Variants in CCT3 observed in about 807,000 individuals in gnomAD.
CCT3 encodes chaperonin containing TCP1 subunit 3, also known as T-complex protein 1 subunit gamma.
CCT3 carries 10 observed loss-of-function variants against 65.3 expected under a neutral mutation model. The observed-to-expected ratio is 0.15, with a 90% CI of 0.09 to 0.26. CCT3 has a LOEUF of 0.26. CCT3 is among the 10% of genes least tolerant of loss of function. The probability of loss-of-function intolerance (pLI) is 1.00; values close to 1 mark genes in which losing one functional copy is unlikely to be tolerated. For missense variants in CCT3, 626 were observed against 708.7 expected (o/e 0.88, Z 1.33); for synonymous variants, 225 against 242.3 (o/e 0.93, Z 0.66).
At chr1:156,315,014 T>C (rs140671752) in intron 10 of CCT3, among the ~76,000 whole-genome samples, 3 of 152,164 alleles carry the variant, frequency 2.0e-5, no homozygotes, top group Non-Finnish European at 2.9e-5. Context: ...CAAATCACGA[T>C]GTATTTCCAT....
rs867370775 is a variant in CCT3, at chr1:156,310,672, C to A, written c.1419G>T (p.Glu473Asp). The change falls in exon 13 of 14, where the codon GAG becomes GAT. Residue 473 changes from glutamate (E) to aspartate (D), a missense_variant. Glu to Asp is a conservative substitution (Grantham distance 45). Coordinates refer to ENST00000295688, the MANE Select transcript of CCT3 (RefSeq NM_005998.5). ...LTSLRAKHTQ[E>D]NCETWGVNGE... ...CATTTACACCCCAGGTCTCACAGTT[C>A]TCCTGGGTGTGCTTGGCCTGCAATT... 6.2e-7 allele frequency: 1 copy of A among 1,613,706 alleles called. No individual in the cohort carries two copies. Among genetic ancestry groups the A allele is most frequent in the Non-Finnish European group, 8.5e-7 (1 of 1,179,790 alleles).
Position 156,337,628 on chromosome 1 carries a change from A to T in CCT3, c.31+526T>A, listed in dbSNP as rs1665475971. The T allele has an allele frequency of 3.0e-5, 5 of 166,798 alleles. No individual in the cohort carries two copies. The South Asian group carries it at 6.4e-4, about 21-fold the overall frequency. The allele number at this position is 166,798 out of a possible 1,614,324, so 10.3% of individuals were successfully genotyped here. ...AAATAAATGTAACGTAAAGTGACCA[A>T]GGATATTACCTATTTACCAGACCCT... On this transcript the variant is annotated intron_variant, in intron 1 of 13. Coordinates refer to ENST00000295688, the MANE Select transcript of CCT3 (RefSeq NM_005998.5).
At chr1:156,328,210 GTC>G (rs1664939648) in intron 5 of CCT3, among the ~76,000 whole-genome samples, 1 of 109,106 alleles carries the variant, frequency 9.2e-6, no homozygotes, top group Non-Finnish European at 2.1e-5. Context: ...GGGGGGGTCA[GTC>G]CCCCCGTCCG....
chr1:156,314,452 C>T (rs999253241), intron 10 of CCT3, among the ~76,000 whole-genome samples: 9 of 152,082 alleles, frequency 5.9e-5, no homozygotes, highest in African/African-American at 1.4e-4. Context: ...CAGTGGCTCA[C>T]GCCTGTAATC....
intron 5 of CCT3, chr1:156,332,630 TAA>T (rs1045967623): frequency 1.3e-5 from 2 of 152,010 alleles, no homozygotes; most frequent in Non-Finnish European, 1.5e-5. Context: ...TCTCACACTG[TAA>T]AAAAAAGTGT....
intron 5 of CCT3, among the ~76,000 whole-genome samples, chr1:156,327,513 C>G (rs975515993): frequency 6.6e-6 from 1 of 152,228 alleles, no homozygotes; most frequent in East Asian, 1.9e-4. Flanking sequence ...GGCTGGTCTC[C>G]AGCTCCTAAC....
intron 7 of CCT3, among the ~76,000 whole-genome samples, chr1:156,319,941 A>G (rs1387968721): frequency 1.3e-5 from 2 of 152,314 alleles, no homozygotes; most frequent in Non-Finnish European, 2.9e-5. Context: ...TGATGTATGC[A>G]AATACACAAA....
At chr1:156,321,071 T>C in intron 6 of CCT3, 46 bp from the exon 7 acceptor site, 4 of 1,491,534 alleles carry the variant, frequency 2.7e-6, no homozygotes, top group Non-Finnish European at 3.7e-6. Context: ...GCATGTTAGA[T>C]ATGTAGAGAT....
At chr1:156,325,153 A>T in intron 5 of CCT3, 64 bp from the exon 6 acceptor site, 1 of 1,173,470 alleles carries the variant, frequency 8.5e-7, no homozygotes, top group South Asian at 1.2e-5. Flanking sequence ...AAGTAACTTA[A>T]TTATTCTTCC....
rs375936929 is a variant in CCT3 at position 156,330,832 on chromosome 1, T to A, written c.304+2715A>T. On this transcript the variant is annotated intron_variant, in intron 5 of 13. Transcript: ENST00000295688. ...GAAAGGCTGAGACAGGAGAATCACT[T>A]GAACCCCAGGGGTGGAGGCTGCAGT... Among the ~76,000 whole-genome samples, 9 of 151,500 alleles carry A rather than the reference T, an allele frequency of 5.9e-5. No homozygotes were observed. In the South Asian group the frequency reaches 1.9e-3, roughly 32 times the overall value.
chr1:156,337,943 C>T (rs1446112936), intron 1 of CCT3, among the ~76,000 whole-genome samples: 1 of 152,122 alleles, frequency 6.6e-6, no homozygotes, highest in Non-Finnish European at 1.5e-5. Flanking sequence ...AGGAAAGAGG[C>T]TCGGCGAGAA....
Position 156,328,761 on chromosome 1 carries a change from T to C in CCT3, c.305-3672A>G, listed in dbSNP as rs1664972099. ...CTCTGCCCAGGAAAACCAGAGACCT[T>C]TGTTCATTTGTTTATCTGCTGACCT... is the stretch of plus-strand genomic sequence containing the variant. On this transcript the variant is annotated intron_variant, in intron 5 of 13. Coordinates refer to ENST00000295688, the MANE Select transcript of CCT3 (RefSeq NM_005998.5). 3.3e-5 allele frequency among the ~76,000 whole-genome samples: 5 copies of C among 152,036 alleles called. No homozygotes were observed. In the South Asian group the frequency reaches 1.0e-3, roughly 32 times the overall value.
At chr1:156,325,663 C>T (rs1409045730) in intron 5 of CCT3, among the ~76,000 whole-genome samples, 1 of 151,456 alleles carries the variant, frequency 6.6e-6, no homozygotes, top group African/African-American at 2.4e-5. Flanking sequence ...CTGCAACCTC[C>T]GCCTCCCAGA....
At chr1:156,337,983 C>G (rs1392958424) in intron 1 of CCT3, among the ~76,000 whole-genome samples, 171 bp downstream of exon 1, 1 of 151,968 alleles carries the variant, frequency 6.6e-6, no homozygotes, top group Admixed American at 6.6e-5. Context: ...TGCAGAGAAG[C>G]GAACAGGTTA....
chr1:156,311,222 A>T (rs1664072551), intron 11 of CCT3, 27 bp from the exon 12 acceptor site: 6 of 1,605,072 alleles, frequency 3.7e-6, no homozygotes, highest in Non-Finnish European at 5.1e-6. Context: ...GACAGTATGA[A>T]GCCAAAGCTT....
intron 7 of CCT3, 152 bp downstream of exon 7, chr1:156,320,687 T>C (rs1664512435): frequency 4.9e-6 from 3 of 612,120 alleles, no homozygotes; most frequent in Non-Finnish European, 5.7e-6. Context: ...GGGCTGTGAC[T>C]GTGCCACTAT....
intron 8 of CCT3, among the ~76,000 whole-genome samples, chr1:156,318,275 G>A (rs1056966690): frequency 1.3e-5 from 2 of 149,228 alleles, no homozygotes; most frequent in Non-Finnish European, 3.0e-5. Flanking sequence ...TCAGGCTGGA[G>A]TTCAGTGGCG....
chr1:156,335,707 T>C (rs1311751423), intron 2 of CCT3, 120 bp downstream of exon 2: 2 of 738,800 alleles, frequency 2.7e-6, no homozygotes, highest in Non-Finnish European at 4.5e-6. Context: ...AGAGGTCAAC[T>C]TTTCCTCTGC....
rs1664064861 is a variant in CCT3 at position 156,311,043 on chromosome 1, T to A, written c.1308A>T (p.Pro436=). 6.2e-7 allele frequency: 1 copy of A among 1,613,906 alleles called. No individual in the cohort carries two copies. Among genetic ancestry groups the A allele is most frequent in the African/African-American group, 1.3e-5 (1 of 74,876 alleles). Residue 436 remains proline, a synonymous_variant, in exon 12 of 14, where the codon CCA becomes CCT. Coordinates refer to ENST00000295688, the MANE Select transcript of CCT3 (RefSeq NM_005998.5). ...CTAGGGCCTGGGCAACAGCCCTGTA[T>A]GGCCATTGTTCCACACCAGTCATGG... is the stretch of plus-strand genomic sequence containing the variant. The part of the protein sequence containing the change: ...SKAMTGVEQW[P]YRAVAQALEV...
Sources: allele counts gnomAD v4.1 joint callset (sites outside exome capture counted in the v4.1 genomes callset), GRCh38; gene constraint gnomAD v4.1.1; transcripts MANE v1.5; gene names NCBI Gene and HGNC (gene_info 2026-07-23, HGNC 2026-07-21).